Variants in GLYATL2 observed in about 807,000 individuals in gnomAD.
The protein encoded by GLYATL2 is glycine-N-acyltransferase like 2, also known as glycine N-acyltransferase-like protein 2.
GLYATL2 carries 25 observed loss-of-function variants against 21.4 expected under a neutral mutation model. The observed-to-expected ratio is 1.17, with a 90% CI of 0.85 to 1.63. The LOEUF is 1.63. Among genes scored for constraint, GLYATL2 ranks in the 40% most tolerant of loss-of-function variants. The pLI is 0.00. For missense variants in GLYATL2, 361 were observed against 343.3 expected, an observed-to-expected ratio of 1.05 and a Z score of -0.41; for synonymous variants, 114 against 118.2, an observed-to-expected ratio of 0.96 and a Z score of 0.23.
At chr11:58,872,333 G>A (rs1854138136) in intron 1 of GLYATL2, among the ~76,000 whole-genome samples, 1 of 152,052 alleles carries the variant, frequency 6.6e-6, no homozygotes, top group Admixed American at 6.5e-5. Flanking sequence ...CATTGCTTTT[G>A]GTGTTTTAGA....
At chr11:58,909,735 T>A in the GLYATL2 span, among the ~76,000 whole-genome samples, 1 of 152,318 alleles carries the variant, frequency 6.6e-6, no homozygotes, top group East Asian at 1.9e-4. Flanking sequence ...GGTAGTGTGG[T>A]GCCAAGATCT....
At chr11:58,842,989 T>A (rs1853580392) in intron 1 of GLYATL2, among the ~76,000 whole-genome samples, 1 of 152,232 alleles carries the variant, frequency 6.6e-6, no homozygotes, top group Non-Finnish European at 1.5e-5. Flanking sequence ...TCTTTATTTA[T>A]AAGTTTGGTG....
upstream of GLYATL2, chr11:58,905,569 G>GGCT (rs573744511): frequency 1.2e-3 from 535 of 456,276 alleles, 6 homozygotes; most frequent in South Asian, 3.4e-3. Context: ...ATACCCACCC[G>GGCT]GCTGCCGCGC....
intron 1 of GLYATL2, among the ~76,000 whole-genome samples, chr11:58,871,207 G>A (rs957480874): frequency 1.3e-5 from 2 of 152,132 alleles, no homozygotes; most frequent in Admixed American, 6.5e-5. Flanking sequence ...TCTTGAGTTT[G>A]GAAAAGAGTT....
At chr11:58,849,684 G>T (rs544810726), upstream of GLYATL2, among the ~76,000 whole-genome samples, 17 of 152,256 alleles carry the variant, frequency 1.1e-4, no homozygotes, top group Admixed American at 7.2e-4. Context: ...ACTAACACAA[G>T]AACAGAAAAC....
chr11:58,906,671 C>G (rs371373601), upstream of GLYATL2, among the ~76,000 whole-genome samples: 8 of 152,140 alleles, frequency 5.3e-5, no homozygotes, highest in Non-Finnish European at 8.8e-5. Context: ...TGGTAATTAG[C>G]AAAGATTCAT....
rs372398871 is a variant in GLYATL2 at position 58,889,476 on chromosome 11, A to C, written n.60+14680T>G. Among the ~76,000 whole-genome samples the C allele has an allele frequency of 3.9e-5, 6 of 152,058 alleles. No individual in the cohort carries two copies. The East Asian group carries it at 7.7e-4, about 20-fold the overall frequency. On this transcript the variant is annotated intron_variant and non_coding_transcript_variant, in intron 1 of 4. Coordinates refer to the GLYATL2 transcript ENST00000533636. ...TATTCTTGTCTCATTCCTGATTTTA[A>C]TGAAATAGCTGTAACAACTTACATC...
At chr11:58,898,749 C>T (rs757598290) in intron 1 of GLYATL2, among the ~76,000 whole-genome samples, 3 of 152,108 alleles carry the variant, frequency 2.0e-5, no homozygotes, top group Non-Finnish European at 2.9e-5. Context: ...AGGAGAATGG[C>T]GTGAACCTGG....
chr11:58,852,956 A>C (rs1590723869), intron 1 of GLYATL2, among the ~76,000 whole-genome samples: 1 of 152,222 alleles, frequency 6.6e-6, no homozygotes, highest in East Asian at 1.9e-4. Context: ...GTAACCAACA[A>C]TGCTAATGAG....
chr11:58,860,759 A>G (rs1207275939), intron 1 of GLYATL2, among the ~76,000 whole-genome samples: 1 of 152,026 alleles, frequency 6.6e-6, no homozygotes, highest in African/African-American at 2.4e-5. Context: ...TCTTTATTGT[A>G]TGAGCTACAT....
chr11:58,834,754 C>T lies in GLYATL2; in HGVS notation c.560G>A (p.Arg187Lys). Residue 187 changes from arginine to lysine, a missense_variant, in exon 6 of 6, where the codon AGG becomes AAG. Transcript: ENST00000287275. ...GCAGCGTTCAATATATTTCAAGCTC[C>T]TCTCATTTTTCCCAAAGGCCCAGTG... is the stretch of plus-strand genomic sequence containing the variant. ...NEHWAFGKNE[R>K]SLKYIERCLQ... 1.2e-6 allele frequency: 2 copies of T among 1,613,878 alleles called. No homozygotes were observed. The highest frequency in any genetic ancestry group is 1.7e-6 in the Non-Finnish European group (2 of 1,179,836).
chr11:58,886,088 T>C (rs1201807624), intron 1 of GLYATL2, among the ~76,000 whole-genome samples: 1 of 152,062 alleles, frequency 6.6e-6, no homozygotes, highest in African/African-American at 2.4e-5. Context: ...TGGTGGTACA[T>C]GTTTATACTC....
upstream of GLYATL2, among the ~76,000 whole-genome samples, chr11:58,848,472 C>A (rs964712826): frequency 2.0e-5 from 3 of 152,074 alleles, no homozygotes; most frequent in Non-Finnish European, 2.9e-5. Context: ...AGAAGAAATG[C>A]AGAATTCTAT....
chr11:58,902,927 G>A (rs536725882), intron 1 of GLYATL2, among the ~76,000 whole-genome samples: 65 of 152,244 alleles, frequency 4.3e-4, no homozygotes, highest in African/African-American at 1.5e-3. Flanking sequence ...ATATCAAATT[G>A]CAGTGGATTG....
chr11:58,885,816 AC>A (rs994577062), intron 1 of GLYATL2, among the ~76,000 whole-genome samples: 9 of 152,148 alleles, frequency 5.9e-5, no homozygotes, highest in African/African-American at 1.9e-4. Flanking sequence ...GGCAGGGGTC[AC>A]CTGCAGGGGC....
chr11:58,893,210 G>T, intron 1 of GLYATL2: 2 of 307,628 alleles, frequency 6.5e-6, no homozygotes, highest in South Asian at 1.2e-4. Flanking sequence ...CTGGTCTCAT[G>T]GATAACCATG....
chr11:58,904,097 T>C (rs927150117), intron 1 of GLYATL2: 12 of 152,234 alleles, frequency 7.9e-5, no homozygotes, highest in African/African-American at 2.7e-4. Context: ...GCCAATTCCA[T>C]GGGCTCGCCC....
intron 1 of GLYATL2, among the ~76,000 whole-genome samples, chr11:58,856,217 C>A (rs990420302): frequency 6.6e-6 from 1 of 152,138 alleles, no homozygotes. Context: ...TTTTTTTCTG[C>A]AGCTTCCTCA....
At chr11:58,890,630 T>C (rs1185355736) in intron 1 of GLYATL2, among the ~76,000 whole-genome samples, 2 of 152,160 alleles carry the variant, frequency 1.3e-5, no homozygotes, top group Admixed American at 6.5e-5. Flanking sequence ...TTCTGTTTTT[T>C]TGAAAGTCAA....
Sources: gnomAD v4.1 joint callset for allele counts (sites outside exome capture counted in the v4.1 genomes callset) on GRCh38, gnomAD v4.1.1 for gene constraint, MANE v1.5 for transcripts, NCBI Gene and HGNC (gene_info 2026-07-23, HGNC 2026-07-21) for gene names.